SLC39A12: variants seen among roughly 807,000 people sequenced by gnomAD.
SLC39A12 encodes the protein zinc transporter ZIP12.
Under a neutral mutation model 71.1 loss-of-function variants are expected in SLC39A12, and 63 were observed. That is an observed-to-expected ratio of 0.89 (90% CI 0.72 to 1.09). The LOEUF (loss-of-function observed/expected upper bound fraction) is 1.09, where lower values mean the gene tolerates loss of function less well. Ranked by LOEUF, SLC39A12 falls within the 50% of genes least tolerant of loss-of-function variation. The pLI is 0.00. For missense variants in SLC39A12, 892 were observed against 812.6 expected (o/e 1.10, Z -1.19); for synonymous variants, 351 against 301.3 (o/e 1.16, Z -1.71).
intron 8 of SLC39A12, 65 bp from the exon 9 acceptor site, chr10:17,993,116 C>A: frequency 1.8e-6 from 2 of 1,140,512 alleles, no homozygotes; most frequent in Non-Finnish European, 2.5e-6. Flanking sequence ...GGAACCGTGG[C>A]ATTGACAAAG....
intron 2 of SLC39A12, among the ~76,000 whole-genome samples, chr10:17,955,983 G>T (rs1177914220): frequency 6.6e-6 from 1 of 152,184 alleles, no homozygotes; most frequent in Non-Finnish European, 1.5e-5. Flanking sequence ...ACCTTCTAGT[G>T]TTGAGACATG....
chr10:18,041,985 C>G (rs894209287), intron 12 of SLC39A12, among the ~76,000 whole-genome samples: 1 of 151,002 alleles, frequency 6.6e-6, no homozygotes, highest in African/African-American at 2.4e-5. Context: ...AGTCATCGCT[C>G]TCTCTCTCTC....
intron 3 of SLC39A12, among the ~76,000 whole-genome samples, chr10:17,964,677 C>T (rs927958641): frequency 2.6e-5 from 4 of 152,234 alleles, no homozygotes; most frequent in African/African-American, 7.2e-5. Context: ...GGACAGTGTA[C>T]CAGATTTGAC....
rs375280461 is a variant in SLC39A12 at position 18,000,805 on chromosome 10, A to T, written c.1739A>T (p.His580Leu). 13 of 1,614,000 alleles carry T rather than the reference A, an allele frequency of 8.1e-6. No homozygotes were observed. The highest frequency in any genetic ancestry group is 1.1e-5 in the Non-Finnish European group (13 of 1,179,928). The change falls in exon 11 of 13, where the codon CAT (histidine) becomes CTT (leucine). Residue 580 changes from histidine to leucine, a missense_variant. Coordinates refer to ENST00000377369, the MANE Select transcript of SLC39A12 (RefSeq NM_001145195.2). ...GVTTTIAILC[H>L]EIPHEMGDFA... is the part of the protein sequence containing the mutation. ...ACCACTACGATTGCTATCTTGTGTC[A>T]TGAAATCCCACATGAAATGGGTAAG...
chr10:18,038,460 G>C (rs564975792), intron 12 of SLC39A12, among the ~76,000 whole-genome samples: 1 of 152,092 alleles, frequency 6.6e-6, no homozygotes, highest in East Asian at 1.9e-4. Flanking sequence ...AGACCAGCCT[G>C]GCTAACATGG....
intron 12 of SLC39A12, among the ~76,000 whole-genome samples, chr10:18,032,968 A>G (rs907825045): frequency 2.0e-5 from 3 of 146,538 alleles, no homozygotes; most frequent in Non-Finnish European, 4.5e-5. Flanking sequence ...ATTTGCGTAT[A>G]TTGAACCAGC....
Position 17,987,469 on chromosome 10 carries a change from T to C in SLC39A12, c.1097-10T>C. ...GGCACTGACTGTGTTTACGATCTCC[T>C]TTGACTTAGAATACGGCTACAGCAC... On this transcript the variant is annotated splice_polypyrimidine_tract_variant and intron_variant, in intron 6 of 12. Transcript: ENST00000377369. 6.2e-7 allele frequency: 1 copy of C among 1,613,228 alleles called. No individual in the cohort carries two copies. The highest frequency in any genetic ancestry group is 8.5e-7 in the Non-Finnish European group (1 of 1,179,766).
In SLC39A12 at chr10:17,980,164, CA is replaced by C. The variant is rs200877339; in HGVS notation, c.925-1146del. Among the ~76,000 whole-genome samples, 778 of 152,194 alleles carry C rather than the reference CA, an allele frequency of 5.1e-3. 4 individuals carry two copies. Among genetic ancestry groups the C allele is most frequent in the African/African-American group, 0.017 (722 of 41,510 alleles). ...TGAGACCATCTGTGCCTTTCTAATA[CA>C]ATTTCCTCTTGGTTTTCTGATTTCA... is the stretch of plus-strand genomic sequence containing the variant. On this transcript the variant is annotated intron_variant, in intron 5 of 12. Transcript: ENST00000377369.
At chr10:17,985,159 A>T (rs897784008) in intron 6 of SLC39A12, among the ~76,000 whole-genome samples, 23 of 152,138 alleles carry the variant, frequency 1.5e-4, no homozygotes, top group African/African-American at 4.8e-4. Flanking sequence ...CCTGGCCAAC[A>T]TGATGGAACC....
intron 4 of SLC39A12, among the ~76,000 whole-genome samples, chr10:17,969,643 AT>A (rs1589223853): frequency 6.6e-6 from 1 of 151,804 alleles, no homozygotes; most frequent in Admixed American, 6.6e-5. Flanking sequence ...AAATTATTAG[AT>A]TTTTTCCTCT....
At chr10:17,955,085 C>T (rs1246520017) in intron 2 of SLC39A12, among the ~76,000 whole-genome samples, 1 of 152,152 alleles carries the variant, frequency 6.6e-6, no homozygotes, top group Non-Finnish European at 1.5e-5. Context: ...TCTGAGGATT[C>T]GCTTCAGGGG....
At chr10:17,978,202 A>G (rs1835164144) in intron 5 of SLC39A12, 128 bp downstream of exon 5, 1 of 717,618 alleles carries the variant, frequency 1.4e-6, no homozygotes, top group Non-Finnish European at 2.1e-6. Flanking sequence ...AAAATATTCT[A>G]GTTCCACCAC....
chr10:18,004,590 C>T (rs1835955383), intron 12 of SLC39A12, among the ~76,000 whole-genome samples: 1 of 152,130 alleles, frequency 6.6e-6, no homozygotes, highest in Non-Finnish European at 1.5e-5. Context: ...TTTCTTAATT[C>T]TTATGAGATG....
Position 18,042,642 on chromosome 10 carries a change from C to T in SLC39A12, c.1948-63C>T, listed in dbSNP as rs931883316. On this transcript the variant is annotated intron_variant, in intron 12 of 12. Coordinates refer to ENST00000377369, the MANE Select transcript of SLC39A12 (RefSeq NM_001145195.2). Reference sequence around the variant, plus strand: ...AATAACAGTCGCTCATGTTTTCCCACCAAGCTTTTCCCAGCAGTTGAATAT... The same window carrying T: ...AATAACAGTCGCTCATGTTTTCCCATCAAGCTTTTCCCAGCAGTTGAATAT... The T allele has an allele frequency of 4.0e-6, 6 of 1,516,674 alleles. No homozygotes were observed. In the East Asian group the frequency reaches 9.5e-5, roughly 24 times the overall value. The allele number at this position is 1,516,674 out of a possible 1,614,324, so 94.0% of individuals were successfully genotyped here.
chr10:17,977,991 A>G lies in SLC39A12; in HGVS notation c.841A>G (p.Ile281Val), dbSNP rs1294278316. Residue 281 changes from isoleucine to valine, a missense_variant, in exon 5 of 13, where the codon ATA becomes GTA. Transcript: ENST00000377369. Reference protein sequence around the residue: ...IHQFQRKQNNIITHDQDYSNF... With the variant: ...IHQFQRKQNNVITHDQDYSNF... ...TCAATTTCAAAGGAAACAAAACAAC[A>G]TAATAACCCATGATCAGGACTATTC... The G allele has an allele frequency of 1.4e-5, 22 of 1,611,742 alleles. No homozygotes were observed. The Middle Eastern group carries it at 4.9e-4, about 36-fold the overall frequency.
At position 17,953,310 on chromosome 10, in the gene SLC39A12, G is replaced by A. The variant is rs782488914; in HGVS notation, c.34G>A (p.Val12Met). The A allele has an allele frequency of 6.2e-7, 1 of 1,614,178 alleles. No homozygotes were observed. The highest frequency in any genetic ancestry group is 8.5e-7 in the Non-Finnish European group (1 of 1,180,040). ...CFRTKLSVSW[V>M]PLFLLLSRVF... Reference sequence around the variant, plus strand: ...CCGGACAAAGCTCTCAGTATCCTGGGTGCCATTGTTTCTTCTACTCAGCCG... The same window carrying A: ...CCGGACAAAGCTCTCAGTATCCTGGATGCCATTGTTTCTTCTACTCAGCCG... Residue 12 changes from valine (V) to methionine (M), a missense_variant, in exon 2 of 13, where the codon GTG becomes ATG. Val to Met is a conservative substitution (Grantham distance 21). Coordinates refer to ENST00000377369, the MANE Select transcript of SLC39A12 (RefSeq NM_001145195.2).
At chr10:17,978,274 A>G (rs141433374) in intron 5 of SLC39A12, among the ~76,000 whole-genome samples, 200 bp downstream of exon 5, 1,605 of 152,318 alleles carry the variant, frequency 0.011, 33 homozygotes, top group African/African-American at 0.035. Context: ...AAGCCAAGGT[A>G]TATAGGGGAA....
At chr10:17,997,897 A>G (rs565747694) in intron 10 of SLC39A12, among the ~76,000 whole-genome samples, 3 of 152,200 alleles carry the variant, frequency 2.0e-5, no homozygotes, top group African/African-American at 4.8e-5. Context: ...GAAACATGGA[A>G]CTCAATATGA....
In SLC39A12 at chr10:17,987,495, G is replaced by T; in HGVS notation, c.1113G>T (p.Thr371=). Residue 371 remains threonine, a synonymous_variant, in exon 7 of 13, where the codon ACG becomes ACT. Transcript: ENST00000377369. ...TTGACTTAGAATACGGCTACAGCACGGTGGCTGTCACCCTTCTCACACTGG... is the reference window on the plus strand; with the variant it reads ...TTGACTTAGAATACGGCTACAGCACTGTGGCTGTCACCCTTCTCACACTGG... ...PTTLEKYGYS[T]VAVTLLTLGS... is the part of the protein sequence containing the mutation. The T allele has an allele frequency of 1.2e-6, 2 of 1,613,920 alleles. No individual in the cohort carries two copies. Among genetic ancestry groups the T allele is most frequent in the Non-Finnish European group, 1.7e-6 (2 of 1,179,946 alleles).
Sources: allele counts gnomAD v4.1 joint callset (sites outside exome capture counted in the v4.1 genomes callset), GRCh38; gene constraint gnomAD v4.1.1; transcripts MANE v1.5; gene names NCBI Gene and HGNC (gene_info 2026-07-23, HGNC 2026-07-21).